Variants in VPS13A observed in about 807,000 individuals in gnomAD.
VPS13A encodes vacuolar protein sorting 13 homolog A, also known as intermembrane lipid transfer protein VPS13A.
In VPS13A, 264 loss-of-function variants were observed where a neutral mutation model predicts 390.9. That is an observed-to-expected ratio of 0.68 (90% CI 0.61 to 0.75). The LOEUF (loss-of-function observed/expected upper bound fraction) is 0.75. VPS13A is among the 30% of genes least tolerant of loss of function. The pLI is 0.00. For missense variants in VPS13A, 3,409 were observed against 3,733.9 expected (o/e 0.91, Z 2.27); for synonymous variants, 1,231 against 1,227.1 (o/e 1.00, Z -0.07).
In VPS13A at chr9:77,272,032, G is replaced by A. The variant is rs543815411; in HGVS notation, c.2428-1248G>A. On this transcript the variant is annotated intron_variant, in intron 23 of 71. Coordinates refer to ENST00000360280, the MANE Select transcript of VPS13A (RefSeq NM_033305.3). Reference sequence around the variant, plus strand: ...CTTTAGAGTTTATGTACTTCGTGTAGTAGATTATAATGTGCTTAAAAAAAA... The same window carrying A: ...CTTTAGAGTTTATGTACTTCGTGTAATAGATTATAATGTGCTTAAAAAAAA... Among the ~76,000 whole-genome samples the A allele has an allele frequency of 2.7e-5, 4 of 148,442 alleles. No homozygotes were observed. The South Asian group carries it at 8.6e-4, about 32-fold the overall frequency.
At chr9:77,315,653 G>T (rs1448876348) in intron 38 of VPS13A, among the ~76,000 whole-genome samples, 183 bp downstream of exon 38, 1 of 151,924 alleles carries the variant, frequency 6.6e-6, no homozygotes, top group African/African-American at 2.4e-5. Context: ...TTTTTTAAAG[G>T]TGTCAGTATA....
At chr9:77,328,179 C>T (rs147803920) in intron 45 of VPS13A, among the ~76,000 whole-genome samples, 1,829 of 152,218 alleles carry the variant, frequency 0.012, 67 homozygotes, top group Admixed American at 0.077. Flanking sequence ...TGTACATCTC[C>T]ATCAGAACTC....
At chr9:77,283,758 AT>A (rs2131350810) in intron 31 of VPS13A, 108 bp downstream of exon 31, 1 of 899,138 alleles carries the variant, frequency 1.1e-6, no homozygotes, top group East Asian at 2.7e-5. Flanking sequence ...AGTATGGCTT[AT>A]TATGTGCATG....
chr9:77,296,854 C>T (rs1253463907), intron 33 of VPS13A, among the ~76,000 whole-genome samples: 1 of 151,926 alleles, frequency 6.6e-6, no homozygotes, highest in Non-Finnish European at 1.5e-5. Context: ...TGGGGCTATT[C>T]AAGTTATTTT....
chr9:77,280,290 GT>G, intron 27 of VPS13A, 52 bp downstream of exon 27: 2 of 1,439,902 alleles, frequency 1.4e-6, no homozygotes, highest in South Asian at 2.3e-5. Flanking sequence ...CTGCTGAAAT[GT>G]TAAGTTTTGT....
intron 17 of VPS13A, among the ~76,000 whole-genome samples, chr9:77,229,372 T>C (rs1425875734): frequency 6.6e-6 from 1 of 152,180 alleles, no homozygotes; most frequent in East Asian, 1.9e-4. Context: ...TGAGCCTGGC[T>C]CATTCGAGAA....
chr9:77,227,199 T>G (rs1036239911), intron 15 of VPS13A, among the ~76,000 whole-genome samples, 192 bp from the exon 16 acceptor site: 2 of 152,220 alleles, frequency 1.3e-5, no homozygotes, highest in Non-Finnish European at 2.9e-5. Context: ...TTGCTAAACT[T>G]ACATATTTAG....
At chr9:77,408,155 G>T (rs1006397224) in intron 71 of VPS13A, among the ~76,000 whole-genome samples, 1 of 152,192 alleles carries the variant, frequency 6.6e-6, no homozygotes, top group African/African-American at 2.4e-5. Flanking sequence ...AAAGCATGGT[G>T]TGTACTTTAG....
At chr9:77,195,826 A>C (rs2131090464) in intron 1 of VPS13A, among the ~76,000 whole-genome samples, 1 of 149,052 alleles carries the variant, frequency 6.7e-6, no homozygotes, top group Non-Finnish European at 1.5e-5. Context: ...GATCTTTATT[A>C]TTTTCTCCCT....
rs769841926 is a variant in VPS13A at position 77,302,988 on chromosome 9, G to A, written c.3886G>A (p.Glu1296Lys). The A allele has an allele frequency of 6.8e-6, 11 of 1,613,920 alleles. No individual in the cohort carries two copies. In the South Asian group the frequency reaches 7.7e-5, roughly 11 times the overall value. The change falls in exon 34 of 72, where the codon GAA (glutamate) becomes AAA (lysine). Residue 1296 changes from glutamate to lysine, a missense_variant. Physicochemically the swap from Glu to Lys is moderately conservative, Grantham distance 56. Around this residue, in one of 5 missense-constraint regions of VPS13A, gnomAD observed 2,717 missense variants for 2,917.4 expected, o/e 0.93. Transcript: ENST00000360280. ...GCCATTAAATCTTGAGGTTGTGGTT[G>A]AACGAAATTTATGCTGGGAGTGGTA... ...LLPLNLEVVVERNLCWEWYQE... is the reference protein window; with the variant it reads ...LLPLNLEVVVKRNLCWEWYQE...
At chr9:77,184,457 A>T (rs1204037527) in intron 1 of VPS13A, among the ~76,000 whole-genome samples, 1 of 152,056 alleles carries the variant, frequency 6.6e-6, no homozygotes. Context: ...TGTCTCTACT[A>T]AAAATACAAA....
At chr9:77,367,945 G>A (rs1832527479) in intron 61 of VPS13A, 110 bp from the exon 62 acceptor site, 2 of 1,024,846 alleles carry the variant, frequency 2.0e-6, no homozygotes, top group African/African-American at 3.2e-5. Context: ...AAATGTACTA[G>A]AAGGAAAGGT....
intron 23 of VPS13A, among the ~76,000 whole-genome samples, chr9:77,263,703 C>T (rs1825880056): frequency 6.6e-6 from 1 of 152,144 alleles, no homozygotes; most frequent in Non-Finnish European, 1.5e-5. Context: ...GTTGCCTGCT[C>T]ACTCTGATGA....
At chr9:77,389,074 T>C (rs1291659006) in intron 68 of VPS13A, among the ~76,000 whole-genome samples, 1 of 152,202 alleles carries the variant, frequency 6.6e-6, no homozygotes, top group East Asian at 1.9e-4. Context: ...CAGGAAACTA[T>C]AGAAAAGGAA....
At chr9:77,401,461 C>G (rs1248887025) in intron 68 of VPS13A, among the ~76,000 whole-genome samples, 1 of 151,686 alleles carries the variant, frequency 6.6e-6, no homozygotes, top group Admixed American at 6.6e-5. Flanking sequence ...TCCAAAATTT[C>G]TTTTACTCCC....
chr9:77,373,536 G>C (rs1381571346), intron 67 of VPS13A, among the ~76,000 whole-genome samples: 64 of 140,244 alleles, frequency 4.6e-4, no homozygotes, highest in Non-Finnish European at 9.0e-4. Flanking sequence ...AAAAACCCTA[G>C]AAGAAAACCT....
At chr9:77,275,390 T>C (rs1365991196) in intron 24 of VPS13A, 108 bp from the exon 25 acceptor site, 7 of 1,039,158 alleles carry the variant, frequency 6.7e-6, no homozygotes, top group Admixed American at 2.1e-5. Flanking sequence ...TAATATTTGA[T>C]ATTTAAAAGA....
At chr9:77,334,831 A>T (rs1830459960) in intron 46 of VPS13A, among the ~76,000 whole-genome samples, 1 of 152,234 alleles carries the variant, frequency 6.6e-6, no homozygotes, top group African/African-American at 2.4e-5. Flanking sequence ...TATAGAAGGA[A>T]TGTAGAAGTA....
intron 67 of VPS13A, among the ~76,000 whole-genome samples, chr9:77,380,836 T>A (rs1833386704): frequency 6.6e-6 from 1 of 152,186 alleles, no homozygotes; most frequent in South Asian, 2.1e-4. Flanking sequence ...ATCCCTTGCA[T>A]GTGCAGTTGA....
Sources: allele counts gnomAD v4.1 joint callset (sites outside exome capture counted in the v4.1 genomes callset), GRCh38; gene constraint gnomAD v4.1.1; regional missense constraint gnomAD v4.1.1; transcripts MANE v1.5; gene names NCBI Gene and HGNC (gene_info 2026-07-23, HGNC 2026-07-21).